TBC1D30: variants seen among roughly 807,000 people sequenced by gnomAD.
TBC1D30 encodes the protein TBC1 domain family, member 30.
TBC1D30 carries 31 observed loss-of-function variants against 63.2 expected under a neutral mutation model. The observed-to-expected ratio is 0.49, with a 90% confidence interval of 0.37 to 0.66. The LOEUF is 0.66. TBC1D30 is among the 30% of genes least tolerant of loss of function. The probability of loss-of-function intolerance (pLI) is 0.00; values close to 1 mark genes in which losing one functional copy is unlikely to be tolerated. For synonymous variants in TBC1D30, 307 were observed against 361.5 expected (o/e 0.85, Z 1.71); for missense variants, 810 against 953.6 (o/e 0.85, Z 1.98).
intron 9 of TBC1D30, among the ~76,000 whole-genome samples, chr12:64,865,524 T>A (rs1163389121): frequency 6.6e-6 from 1 of 152,020 alleles, no homozygotes; most frequent in Non-Finnish European, 1.5e-5. Context: ...TAGGGATGGA[T>A]ATTGCTAATA....
chr12:64,794,778 C>G (rs1471250860), intron 2 of TBC1D30, among the ~76,000 whole-genome samples: 1 of 152,138 alleles, frequency 6.6e-6, no homozygotes, highest in Non-Finnish European at 1.5e-5. Flanking sequence ...ACTCCTTGTT[C>G]TTTTGATTTA....
At chr12:64,833,569 T>C (rs1875062581) in intron 5 of TBC1D30, among the ~76,000 whole-genome samples, 1 of 152,138 alleles carries the variant, frequency 6.6e-6, no homozygotes, top group South Asian at 2.1e-4. Flanking sequence ...TTGACTATGG[T>C]GAATACCTTA....
chr12:64,873,181 G>A (rs1411504269), intron 11 of TBC1D30, among the ~76,000 whole-genome samples: 1 of 152,138 alleles, frequency 6.6e-6, no homozygotes, highest in East Asian at 1.9e-4. Flanking sequence ...ATCAGCTTCC[G>A]AAGTTAGGGA....
At chr12:64,812,108 G>T (rs1306970874) in intron 2 of TBC1D30, among the ~76,000 whole-genome samples, 2 of 152,048 alleles carry the variant, frequency 1.3e-5, no homozygotes, top group Non-Finnish European at 2.9e-5. Context: ...TTAGAAAAGT[G>T]CAAGGAAAAA....
At position 64,825,042 on chromosome 12, in the gene TBC1D30, C is replaced by T. The variant is rs1475970979; in HGVS notation, c.154+9C>T. The T allele has an allele frequency of 6.5e-7, 1 of 1,529,374 alleles. No homozygotes were observed. Among genetic ancestry groups the T allele is most frequent in the Non-Finnish European group, 8.7e-7 (1 of 1,144,170 alleles). The allele number at this position is 1,529,374 out of a possible 1,614,324, so 94.7% of individuals were successfully genotyped here. On this transcript the variant is annotated intron_variant, in intron 1 of 11. Coordinates refer to ENST00000539867, the MANE Select transcript of TBC1D30 (RefSeq NM_015279.2). Reference sequence around the variant, plus strand: ...GTGCACCCTGGAGCCGGGTGAGGACCCCAGGGCTGCAGATGGGGCGCTGTA... The same window carrying T: ...GTGCACCCTGGAGCCGGGTGAGGACTCCAGGGCTGCAGATGGGGCGCTGTA...
chr12:64,850,283 G>A (rs969655485), intron 8 of TBC1D30, among the ~76,000 whole-genome samples: 1 of 152,098 alleles, frequency 6.6e-6, no homozygotes, highest in Non-Finnish European at 1.5e-5. Context: ...TTGCCTGATT[G>A]CCCTGGCCAG....
intron 2 of TBC1D30, among the ~76,000 whole-genome samples, chr12:64,793,063 G>A (rs906045915): frequency 6.6e-6 from 1 of 152,102 alleles, no homozygotes; most frequent in Admixed American, 6.6e-5. Context: ...AAGCTCGCTG[G>A]GTGTGGGGTC....
At chr12:64,769,222 T>C (rs1870818162) in intron 1 of TBC1D30, among the ~76,000 whole-genome samples, 1 of 152,044 alleles carries the variant, frequency 6.6e-6, no homozygotes, top group Admixed American at 6.6e-5. Flanking sequence ...TTTTTTTTTT[T>C]TGAGTCAGAG....
At chr12:64,865,392 A>G (rs1000601415) in intron 9 of TBC1D30, among the ~76,000 whole-genome samples, 4 of 151,894 alleles carry the variant, frequency 2.6e-5, no homozygotes, top group African/African-American at 9.7e-5. Flanking sequence ...AATTTAAAAA[A>G]AGGGAAAAAA....
At chr12:64,849,775 T>C (rs1876705531) in intron 8 of TBC1D30, among the ~76,000 whole-genome samples, 2 of 152,226 alleles carry the variant, frequency 1.3e-5, no homozygotes, top group Non-Finnish European at 2.9e-5. Flanking sequence ...TGGTTCCATA[T>C]GAAATTTAAA....
intron 8 of TBC1D30, among the ~76,000 whole-genome samples, chr12:64,850,692 A>T (rs1876790189): frequency 6.6e-6 from 1 of 151,842 alleles, no homozygotes; most frequent in Non-Finnish European, 1.5e-5. Context: ...TTTATTGAGG[A>T]TTTTTGCATC....
intron 2 of TBC1D30, among the ~76,000 whole-genome samples, chr12:64,804,826 G>A (rs947939674): frequency 7.2e-5 from 11 of 151,986 alleles, no homozygotes; most frequent in South Asian, 4.2e-4. Context: ...AAAGGTATAC[G>A]GGGCTCAACC....
At chr12:64,761,697 T>G (rs2136264652) in intron 1 of TBC1D30, among the ~76,000 whole-genome samples, 1 of 152,354 alleles carries the variant, frequency 6.6e-6, no homozygotes, top group East Asian at 1.9e-4. Context: ...ATCCATCCCT[T>G]GTTTAGCATA....
At chr12:64,867,194 G>A (rs1012847713) in intron 10 of TBC1D30, among the ~76,000 whole-genome samples, 18 of 152,072 alleles carry the variant, frequency 1.2e-4, no homozygotes, top group African/African-American at 4.3e-4. Context: ...GGCTGGGTGT[G>A]GTGGCTCACG....
At chr12:64,834,450 A>G (rs1342990368) in intron 5 of TBC1D30, among the ~76,000 whole-genome samples, 1 of 134,646 alleles carries the variant, frequency 7.4e-6, no homozygotes, top group African/African-American at 2.8e-5. Context: ...TCTGTCACCC[A>G]GGCTAGAGTG....
rs1284836590 is a variant in TBC1D30, at chr12:64,876,715, CTTGAATTTTGTGCTTTTTGA to C, written c.*931_*950del. 1 of 448,866 alleles carries C rather than the reference CTTGAATTTTGTGCTTTTTGA, an allele frequency of 2.2e-6. No individual in the cohort carries two copies. The highest frequency in any genetic ancestry group is 4.5e-6 in the Non-Finnish European group (1 of 222,372). 27.8% of individuals were successfully genotyped at this position (448,866 alleles called of 1,614,324 possible). A position where few individuals can be genotyped will look rare whatever the true frequency, so the allele number is the denominator to read the frequency against. On this transcript the variant is annotated 3_prime_UTR_variant, in exon 12 of 12. Coordinates refer to ENST00000539867, the MANE Select transcript of TBC1D30 (RefSeq NM_015279.2). ...GAACACAGCACCTGTGACTCTGTTA[CTTGAATTTTGTGCTTTTTGA>C]TTGGAGTCCTTTGTTGAGTACTTTG...
rs756025722 is a variant in TBC1D30, at chr12:64,875,003, A to G, written c.1501A>G (p.Lys501Glu). 7.2e-6 allele frequency: 11 copies of G among 1,534,670 alleles called. No homozygotes were observed. The African/African-American group carries it at 1.1e-4, about 15-fold the overall frequency. ...CTACCTTTCAACATTTCTTTCAGAC[A>G]AAGGGCCAGTGACCAGCATTCTCCC... ...QVHQVYIRADKGPVTSILPSQ... is the reference protein window; with the variant it reads ...QVHQVYIRADEGPVTSILPSQ... The change falls in exon 12 of 12, where the codon AAA becomes GAA. Residue 501 changes from lysine to glutamate, a missense_variant and splice_region_variant. Physicochemically the swap from Lys to Glu is moderately conservative, Grantham distance 56 (BLOSUM62 1). This residue lies in a region of TBC1D30 where 450 missense variants were observed against 473.0 expected (regional missense o/e 0.95). Transcript: ENST00000539867.
At chr12:64,839,876 G>A (rs1244687893) in intron 7 of TBC1D30, among the ~76,000 whole-genome samples, 3 of 151,768 alleles carry the variant, frequency 2.0e-5, no homozygotes, top group African/African-American at 7.3e-5. Flanking sequence ...GTAGTGGTGG[G>A]CACCTGTATT....
At chr12:64,808,144 T>C (rs1036476171) in intron 2 of TBC1D30, among the ~76,000 whole-genome samples, 4 of 152,056 alleles carry the variant, frequency 2.6e-5, no homozygotes, top group African/African-American at 9.7e-5. Flanking sequence ...CACTCTGTGC[T>C]CCAAGCAGAA....
Sources: gnomAD v4.1 joint callset for allele counts (sites outside exome capture counted in the v4.1 genomes callset) on GRCh38, gnomAD v4.1.1 for gene constraint, gnomAD v4.1.1 regional missense constraint, MANE v1.5 for transcripts, NCBI Gene and HGNC (gene_info 2026-07-23, HGNC 2026-07-21) for gene names.